FIP1L1: variants seen among roughly 807,000 people sequenced by gnomAD.
FIP1L1 encodes factor interacting with PAPOLA and CPSF1, also known as pre-mRNA 3'-end-processing factor FIP1.
A neutral mutation model predicts 84.6 loss-of-function variants in FIP1L1; 21 were observed. The observed-to-expected ratio is 0.25, with a 90% CI of 0.18 to 0.36. The LOEUF is 0.36. Among genes scored for constraint, FIP1L1 ranks in the 10% least tolerant of loss-of-function variants. The pLI, the probability that FIP1L1 is intolerant of heterozygous loss-of-function variation, is 1.00. For missense variants in FIP1L1, 526 were observed against 751.1 expected (o/e 0.70, Z 3.50); for synonymous variants, 263 against 242.3 (o/e 1.09, Z -0.80).
intron 10 of FIP1L1, among the ~76,000 whole-genome samples, chr4:53,409,465 A>G (rs909338720): frequency 6.6e-6 from 1 of 152,148 alleles, no homozygotes; most frequent in Non-Finnish European, 1.5e-5. Flanking sequence ...CCACTTGAGG[A>G]GGCAGTCTGC....
At chr4:53,441,018 T>G (rs1205936914) in intron 13 of FIP1L1, 1 of 169,654 alleles carries the variant, frequency 5.9e-6, no homozygotes, top group Non-Finnish European at 1.3e-5. Flanking sequence ...TGGCTTAGTA[T>G]CGTGAGAAAA....
intron 10 of FIP1L1, among the ~76,000 whole-genome samples, chr4:53,413,602 T>C (rs114582803): frequency 5.9e-5 from 9 of 152,244 alleles, no homozygotes; most frequent in Non-Finnish European, 1.0e-4. Flanking sequence ...TTTACTGTTA[T>C]AAGAAAACCT....
chr4:53,386,877 T>A (rs911966798), intron 5 of FIP1L1, among the ~76,000 whole-genome samples: 1 of 152,198 alleles, frequency 6.6e-6, no homozygotes, highest in Non-Finnish European at 1.5e-5. Context: ...GTTTTTAGTT[T>A]CTGTCTCCAG....
At position 53,453,284 on chromosome 4, in the gene FIP1L1, G is replaced by A; in HGVS notation, c.1499+151G>A. 1.8e-5 allele frequency: 15 copies of A among 814,396 alleles called. No homozygotes were observed. The South Asian group carries it at 2.5e-4, about 14-fold the overall frequency. 50.4% of individuals were successfully genotyped at this position (814,396 alleles called of 1,614,324 possible). On this transcript the variant is annotated intron_variant, in intron 16 of 17. Transcript: ENST00000337488. ...ATCTTAAAATGATAAAGGATTAGAG[G>A]CTTCCCATTACCTTGAACAGTAGTC...
chr4:53,377,767 G>A lies in FIP1L1; in HGVS notation c.-72G>A. On this transcript the variant is annotated 5_prime_UTR_variant, in exon 1 of 18. Coordinates refer to ENST00000337488, the MANE Select transcript of FIP1L1 (RefSeq NM_030917.4). The stretch of plus-strand genomic sequence containing the variant: ...CGGGTTCGCGCCCTTCTCGCGCCTC[G>A]GGGCTGCGAGGCTGGGGAAGGGGTT... 1 of 1,379,580 alleles carries A rather than the reference G, an allele frequency of 7.2e-7. No individual in the cohort carries two copies. Among genetic ancestry groups the A allele is most frequent in the Admixed American group, 2.8e-5 (1 of 35,716 alleles). 85.5% of individuals were successfully genotyped at this position (1,379,580 alleles called of 1,614,324 possible). A position where few individuals can be genotyped will look rare whatever the true frequency, so the allele number is the denominator to read the frequency against.
chr4:53,443,634 C>T (rs1335143195), intron 14 of FIP1L1, among the ~76,000 whole-genome samples: 1 of 152,052 alleles, frequency 6.6e-6, no homozygotes, highest in African/African-American at 2.4e-5. Flanking sequence ...CTGTTAGACA[C>T]ATTTATTTTC....
intron 13 of FIP1L1, among the ~76,000 whole-genome samples, chr4:53,431,816 CA>C (rs1766800236): frequency 6.6e-6 from 1 of 152,088 alleles, no homozygotes; most frequent in African/African-American, 2.4e-5. Context: ...TACTGTTTAA[CA>C]ATTATAAGGT....
intron 13 of FIP1L1, among the ~76,000 whole-genome samples, chr4:53,430,964 A>G (rs1766376885): frequency 6.6e-6 from 1 of 151,894 alleles, no homozygotes; most frequent in African/African-American, 2.4e-5. Flanking sequence ...TGAAGTTGAG[A>G]CTCTCTGAAT....
chr4:53,406,988 G>T (rs1753916930), intron 10 of FIP1L1, among the ~76,000 whole-genome samples: 1 of 152,074 alleles, frequency 6.6e-6, no homozygotes, highest in Non-Finnish European at 1.5e-5. Flanking sequence ...TTTTTGAAGG[G>T]TTTTTTGTGT....
At chr4:53,404,701 A>T (rs892542124) in intron 10 of FIP1L1, among the ~76,000 whole-genome samples, 1 of 152,152 alleles carries the variant, frequency 6.6e-6, no homozygotes, top group African/African-American at 2.4e-5. Flanking sequence ...AATGATCGCC[A>T]TTCTAACTGG....
At chr4:53,451,916 C>G (rs1481405231) in intron 15 of FIP1L1, among the ~76,000 whole-genome samples, 1 of 148,080 alleles carries the variant, frequency 6.8e-6, no homozygotes, top group Non-Finnish European at 1.5e-5. Flanking sequence ...TAGAGCCTCA[C>G]TGTGTTGCCC....
intron 9 of FIP1L1, among the ~76,000 whole-genome samples, chr4:53,397,393 T>C (rs1212946553): frequency 2.0e-5 from 3 of 152,176 alleles, no homozygotes; most frequent in Non-Finnish European, 4.4e-5. Flanking sequence ...TGAATCCAAG[T>C]GGTCCAAAAA....
chr4:53,391,021 C>T lies in FIP1L1; in HGVS notation c.518C>T (p.Ser173Phe). Residue 173 changes from serine to phenylalanine, a missense_variant, in exon 8 of 18, where the codon TCT becomes TTT. Transcript: ENST00000337488. ...GTTTTATCTTTAGGTGCTGATCTTTCTGATTATTTTAATTATGGGTTTAAT... is the reference window on the plus strand; with the variant it reads ...GTTTTATCTTTAGGTGCTGATCTTTTTGATTATTTTAATTATGGGTTTAAT... ...KPWRKPGADL[S>F]DYFNYGFNED... The T allele has an allele frequency of 6.3e-7, 1 of 1,598,902 alleles. No homozygotes were observed. The highest frequency in any genetic ancestry group is 8.5e-7 in the Non-Finnish European group (1 of 1,174,838).
At position 53,377,885 on chromosome 4, in the gene FIP1L1, G is replaced by A. The variant is rs1278337500; in HGVS notation, c.47G>A (p.Gly16Glu). Residue 16 changes from glycine to glutamate, a missense_variant, in exon 1 of 18, where the codon GGG becomes GAG. Physicochemically the swap from Gly to Glu is moderately conservative, Grantham distance 98. Transcript: ENST00000337488. The part of the protein sequence containing the change: ...VERLVSELSG[G>E]TGGDEEEEWL... ...CGCCTAGTGTCGGAGCTGAGCGGCGGGACCGGAGGGGATGAGGAGGAAGAG... is the reference window on the plus strand; with the variant it reads ...CGCCTAGTGTCGGAGCTGAGCGGCGAGACCGGAGGGGATGAGGAGGAAGAG... The A allele has an allele frequency of 6.2e-7, 1 of 1,601,202 alleles. No individual in the cohort carries two copies.
intron 10 of FIP1L1, among the ~76,000 whole-genome samples, chr4:53,410,877 G>A (rs1224113790): frequency 6.6e-6 from 1 of 152,074 alleles, no homozygotes; most frequent in African/African-American, 2.4e-5. Context: ...TGTACATATT[G>A]GGTTCAGTAC....
chr4:53,409,219 G>A (rs1035534205), intron 10 of FIP1L1, among the ~76,000 whole-genome samples: 2 of 152,196 alleles, frequency 1.3e-5, no homozygotes, highest in African/African-American at 4.8e-5. Context: ...TAACAGACAG[G>A]ACCCTCAGCT....
rs531970389 is a variant in FIP1L1 at position 53,425,590 on chromosome 4, G to A, written c.924-282G>A. 2.1e-4 allele frequency among the ~76,000 whole-genome samples: 32 copies of A among 152,140 alleles called. No homozygotes were observed. In the East Asian group the frequency reaches 6.0e-3, roughly 28 times the overall value. On this transcript the variant is annotated intron_variant, in intron 11 of 17. Coordinates refer to ENST00000337488, the MANE Select transcript of FIP1L1 (RefSeq NM_030917.4). ...TTTCACAAAGATAAATTTATTTGGA[G>A]ACTACTAAAACTAGTAAGTGTAGAA...
chr4:53,438,984 C>T (rs1284597704), intron 13 of FIP1L1, among the ~76,000 whole-genome samples: 2 of 152,006 alleles, frequency 1.3e-5, no homozygotes, highest in African/African-American at 4.8e-5. Flanking sequence ...ATTCCTTTAT[C>T]TTATAAATCT....
At chr4:53,418,245 G>A (rs930165403) in intron 11 of FIP1L1, among the ~76,000 whole-genome samples, 1 of 152,132 alleles carries the variant, frequency 6.6e-6, no homozygotes, top group African/African-American at 2.4e-5. Context: ...TCGTGCCACT[G>A]CATTCCAGCC....
Sources: gnomAD v4.1 joint callset for allele counts (sites outside exome capture counted in the v4.1 genomes callset) on GRCh38, gnomAD v4.1.1 for gene constraint, MANE v1.5 for transcripts, NCBI Gene and HGNC (gene_info 2026-07-23, HGNC 2026-07-21) for gene names.